PBX3: variants seen among roughly 807,000 people sequenced by gnomAD.
The protein encoded by PBX3 is PBX homeobox 3.
PBX3 carries 14 observed loss-of-function variants against 48.5 expected under a neutral mutation model. That is an observed-to-expected ratio of 0.29 (90% CI 0.19 to 0.45). PBX3 has a LOEUF of 0.45. PBX3 is among the 20% of genes least tolerant of loss of function. The pLI, the probability that PBX3 is intolerant of heterozygous loss-of-function variation, is 1.00. For synonymous variants in PBX3, 210 were observed against 200.3 expected (o/e 1.05, Z -0.41); for missense variants, 386 against 546.7 (o/e 0.71, Z 2.93).
At chr9:125,838,602 A>G (rs866332198) in intron 2 of PBX3, among the ~76,000 whole-genome samples, 2 of 152,242 alleles carry the variant, frequency 1.3e-5, no homozygotes, top group African/African-American at 2.4e-5. Flanking sequence ...CATTCTTAAG[A>G]TATAACCAGT....
At chr9:125,822,914 G>A (rs1262536860) in intron 2 of PBX3, among the ~76,000 whole-genome samples, 1 of 151,454 alleles carries the variant, frequency 6.6e-6, no homozygotes, top group East Asian at 1.9e-4. Context: ...GGATTTTATG[G>A]ATCATCCATA....
intron 2 of PBX3, among the ~76,000 whole-genome samples, chr9:125,894,615 T>C (rs1449761246): frequency 6.6e-6 from 1 of 152,080 alleles, no homozygotes; most frequent in African/African-American, 2.4e-5. Context: ...GTTCAATTCA[T>C]GCCTACAGCC....
At chr9:125,942,730 AAGG>A (rs1841982271) in intron 5 of PBX3, among the ~76,000 whole-genome samples, 1 of 152,224 alleles carries the variant, frequency 6.6e-6, no homozygotes, top group South Asian at 2.1e-4. Context: ...GTCTTAAAAG[AAGG>A]CTACAGACCC....
At chr9:125,830,781 C>G (rs976064630) in intron 2 of PBX3, among the ~76,000 whole-genome samples, 29 of 152,006 alleles carry the variant, frequency 1.9e-4, no homozygotes, top group African/African-American at 7.0e-4. Context: ...AGTAACTTGT[C>G]CACATTCACA....
chr9:125,821,108 C>T (rs1267666550), intron 2 of PBX3, among the ~76,000 whole-genome samples: 1 of 152,122 alleles, frequency 6.6e-6, no homozygotes, highest in Non-Finnish European at 1.5e-5. Context: ...CCTTTAAAGC[C>T]TCCTGAAGAG....
chr9:125,749,747 G>C (rs986190108), intron 2 of PBX3, among the ~76,000 whole-genome samples: 64 of 152,134 alleles, frequency 4.2e-4, no homozygotes, highest in African/African-American at 1.5e-3. Context: ...TAATTGTTAG[G>C]TTGATAGGCG....
chr9:125,905,777 G>A (rs1422941971), intron 2 of PBX3, among the ~76,000 whole-genome samples: 1 of 151,880 alleles, frequency 6.6e-6, no homozygotes, highest in African/African-American at 2.4e-5. Flanking sequence ...TTGTACTTAA[G>A]AATATGCTGT....
At chr9:125,856,011 A>C (rs571122848) in intron 2 of PBX3, among the ~76,000 whole-genome samples, 1 of 152,238 alleles carries the variant, frequency 6.6e-6, no homozygotes, top group African/African-American at 2.4e-5. Flanking sequence ...ATGTCATACA[A>C]TTTTTATGGA....
chr9:125,964,446 G>T (rs1326267719), intron 8 of PBX3, among the ~76,000 whole-genome samples: 1 of 151,470 alleles, frequency 6.6e-6, no homozygotes, highest in South Asian at 2.1e-4. Context: ...AGAGTCCACC[G>T]AACACACATG....
intron 2 of PBX3, among the ~76,000 whole-genome samples, chr9:125,810,356 G>A (rs1838253376): frequency 6.8e-6 from 1 of 147,370 alleles, no homozygotes; most frequent in African/African-American, 2.7e-5. Context: ...ACCTTCTGGA[G>A]CAGGAATGAG....
intron 2 of PBX3, among the ~76,000 whole-genome samples, chr9:125,901,492 T>C (rs1181948004): frequency 2.0e-5 from 3 of 151,776 alleles, no homozygotes; most frequent in Non-Finnish European, 4.4e-5. Context: ...TTATGATCAA[T>C]AGTTTCTGCT....
chr9:125,747,387 C>T lies in PBX3; in HGVS notation c.-67C>T, dbSNP rs935097748. ...CCCTCTTTCTTCTCCTCCCTCGTCG[C>T]CGCCGCCGCCGCCGCCGCCTCAGCC... On this transcript the variant is annotated 5_prime_UTR_variant, in exon 1 of 9. Transcript: ENST00000373489. The T allele has an allele frequency of 6.8e-5, 59 of 871,140 alleles. No individual in the cohort carries two copies. Among genetic ancestry groups the T allele is most frequent in the Middle Eastern group, 8.4e-4 (2 of 2,376 alleles). 54.0% of individuals were successfully genotyped at this position (871,140 alleles called of 1,614,324 possible).
intron 2 of PBX3, among the ~76,000 whole-genome samples, chr9:125,899,229 T>A (rs562924264): frequency 3.2e-5 from 3 of 95,146 alleles, no homozygotes; most frequent in Admixed American, 1.2e-4. Context: ...GTATATATAT[T>A]TATATATAAA....
At chr9:125,928,499 T>C (rs978507272) in intron 3 of PBX3, among the ~76,000 whole-genome samples, 1 of 151,426 alleles carries the variant, frequency 6.6e-6, no homozygotes, top group African/African-American at 2.4e-5. Flanking sequence ...GGAATCTCGC[T>C]TTGTTGCCCA....
At chr9:125,914,365 T>C (rs1841276346) in intron 2 of PBX3, among the ~76,000 whole-genome samples, 1 of 152,188 alleles carries the variant, frequency 6.6e-6, no homozygotes, top group Admixed American at 6.5e-5. Context: ...TAAAGTGTTT[T>C]GGGGAAGAAA....
intron 5 of PBX3, among the ~76,000 whole-genome samples, chr9:125,944,770 G>T (rs566755122): frequency 4.2e-4 from 64 of 152,156 alleles, no homozygotes; most frequent in African/African-American, 1.5e-3. Flanking sequence ...TGTGGGGGGT[G>T]GGGGATTTTA....
intron 2 of PBX3, among the ~76,000 whole-genome samples, chr9:125,829,843 G>A (rs1838908542): frequency 6.6e-6 from 1 of 152,162 alleles, no homozygotes; most frequent in African/African-American, 2.4e-5. Context: ...TAGATGCCTG[G>A]CCAAGCATCC....
At chr9:125,799,294 T>C (rs1260988054) in intron 2 of PBX3, among the ~76,000 whole-genome samples, 2 of 152,150 alleles carry the variant, frequency 1.3e-5, no homozygotes, top group Non-Finnish European at 2.9e-5. Flanking sequence ...GGGCGGATCA[T>C]GTGAGTCTAG....
chr9:125,957,426 T>C (rs1449699095), intron 5 of PBX3, among the ~76,000 whole-genome samples: 1 of 152,222 alleles, frequency 6.6e-6, no homozygotes, highest in African/African-American at 2.4e-5. Context: ...GCAAATCCAC[T>C]TGCTAAAGCT....
Sources: gnomAD v4.1 joint callset for allele counts (sites outside exome capture counted in the v4.1 genomes callset) on GRCh38, gnomAD v4.1.1 for gene constraint, MANE v1.5 for transcripts, NCBI Gene and HGNC (gene_info 2026-07-23, HGNC 2026-07-21) for gene names.